METTL8: variants seen among roughly 807,000 people sequenced by gnomAD.
METTL8 encodes the protein methyltransferase 8, tRNA N3-cytidine.
In METTL8, 32 loss-of-function variants were observed where a neutral mutation model predicts 48.7. That is an observed-to-expected ratio of 0.66 (90% CI 0.50 to 0.88). The LOEUF (loss-of-function observed/expected upper bound fraction) is 0.88, where lower values mean the gene tolerates loss of function less well. Among genes scored for constraint, METTL8 ranks in the 40% least tolerant of loss-of-function variants. The pLI, the probability that METTL8 is intolerant of heterozygous loss-of-function variation, is 0.00. For synonymous variants in METTL8, 136 were observed against 157.1 expected (o/e 0.87, Z 1.01); for missense variants, 464 against 474.4 (o/e 0.98, Z 0.20).
intron 1 of METTL8, among the ~76,000 whole-genome samples, chr2:171,403,781 T>C (rs1689871418): frequency 6.6e-6 from 1 of 151,502 alleles, no homozygotes; most frequent in South Asian, 2.1e-4. Context: ...CAGACTATGA[T>C]GTGAGGGGCA....
At chr2:171,370,885 C>T (rs1366905522) in intron 2 of METTL8, among the ~76,000 whole-genome samples, 1 of 152,138 alleles carries the variant, frequency 6.6e-6, no homozygotes, top group Admixed American at 6.6e-5. Flanking sequence ...TTAAGGTGAA[C>T]AGGACCTAAG....
chr2:171,419,260 G>T (rs1406709456), intron 1 of METTL8, among the ~76,000 whole-genome samples: 1 of 152,014 alleles, frequency 6.6e-6, no homozygotes, highest in East Asian at 1.9e-4. Flanking sequence ...TCCTCTCAAG[G>T]GACAAAGCAA....
chr2:171,354,433 T>G (rs1684295733), intron 3 of METTL8, among the ~76,000 whole-genome samples: 1 of 152,214 alleles, frequency 6.6e-6, no homozygotes, highest in Non-Finnish European at 1.5e-5. Flanking sequence ...GACAATTATG[T>G]GTCTTGGAGT....
chr2:171,412,951 T>C (rs1690900278), intron 1 of METTL8, among the ~76,000 whole-genome samples: 1 of 152,248 alleles, frequency 6.6e-6, no homozygotes, highest in Non-Finnish European at 1.5e-5. Context: ...AACAGCTTTC[T>C]AATTCTTAAA....
intron 3 of METTL8, among the ~76,000 whole-genome samples, chr2:171,357,557 C>T (rs114746764): frequency 0.016 from 2,382 of 152,232 alleles, 29 homozygotes; most frequent in Non-Finnish European, 0.024. Flanking sequence ...GGAAGATATT[C>T]CATGCTGATG....
intron 1 of METTL8, among the ~76,000 whole-genome samples, chr2:171,418,637 T>C (rs1212713382): frequency 6.6e-6 from 1 of 152,126 alleles, no homozygotes; most frequent in Non-Finnish European, 1.5e-5. Flanking sequence ...TCAAATTATT[T>C]TGAGCTTTGG....
At chr2:171,402,785 C>A (rs60545517) in intron 1 of METTL8, among the ~76,000 whole-genome samples, 1 of 151,766 alleles carries the variant, frequency 6.6e-6, no homozygotes, top group African/African-American at 2.4e-5. Context: ...GAGAATATAA[C>A]ATGAGCCTAG....
intron 1 of METTL8, among the ~76,000 whole-genome samples, chr2:171,414,096 T>C (rs1223820728): frequency 6.6e-6 from 1 of 152,084 alleles, no homozygotes; most frequent in African/African-American, 2.4e-5. Flanking sequence ...TGTACATGCA[T>C]AGAAAGGAAA....
intron 2 of METTL8, among the ~76,000 whole-genome samples, chr2:171,381,221 G>A (rs778064165): frequency 1.1e-4 from 17 of 152,170 alleles, no homozygotes; most frequent in Non-Finnish European, 2.4e-4. Context: ...AACTGAAACC[G>A]GACTCCTTCC....
chr2:171,378,504 C>T (rs1315082037), intron 2 of METTL8, among the ~76,000 whole-genome samples: 5 of 151,924 alleles, frequency 3.3e-5, no homozygotes, highest in South Asian at 4.2e-4. Flanking sequence ...TGGTGGCATG[C>T]GCCTGTAGTC....
chr2:171,371,438 C>A (rs999640300), intron 2 of METTL8, among the ~76,000 whole-genome samples: 1 of 152,180 alleles, frequency 6.6e-6, no homozygotes, highest in Non-Finnish European at 1.5e-5. Flanking sequence ...TTCACTGCAA[C>A]CTCCGCCTCC....
Position 171,430,442 on chromosome 2 carries a change from G to A in METTL8, c.-13+3441C>T, listed in dbSNP as rs571863690. Among the ~76,000 whole-genome samples the A allele has an allele frequency of 2.0e-4, 31 of 152,172 alleles. 2 individuals carry two copies. The South Asian group carries it at 5.6e-3, about 28-fold the overall frequency. On this transcript the variant is annotated intron_variant, in intron 1 of 9. Transcript: ENST00000375258. ...AGGAGAAATACTTAATGTAGGTGAC[G>A]GGTTGATGGGTGCAGCAAATCACGA...
In METTL8 at chr2:171,398,004, T is replaced by TG. The variant is rs1689275143; in HGVS notation, c.-12-5808dup. On this transcript the variant is annotated intron_variant, in intron 1 of 9. Transcript: ENST00000375258. ...AATATAACAAGTATTGGTGAGGATG[T>TG]GGAGAAATTAGGAAATTGGAGCCCT... Among the ~76,000 whole-genome samples the TG allele has an allele frequency of 7.2e-5, 11 of 152,262 alleles. No individual in the cohort carries two copies. In the South Asian group the frequency reaches 2.3e-3, roughly 32 times the overall value.
At chr2:171,427,129 A>G (rs1457823078) in intron 1 of METTL8, among the ~76,000 whole-genome samples, 1 of 152,018 alleles carries the variant, frequency 6.6e-6, no homozygotes, top group Non-Finnish European at 1.5e-5. Context: ...TTTTATTAGG[A>G]TTTCACTTGA....
intron 2 of METTL8, among the ~76,000 whole-genome samples, chr2:171,378,659 G>T (rs935286122): frequency 2.6e-5 from 4 of 151,954 alleles, no homozygotes; most frequent in South Asian, 2.1e-4. Context: ...AATAAAAAAA[G>T]AAGGGTATTA....
At chr2:171,382,756 T>C (rs1687685700) in intron 2 of METTL8, among the ~76,000 whole-genome samples, 1 of 151,018 alleles carries the variant, frequency 6.6e-6, no homozygotes, top group African/African-American at 2.4e-5. Flanking sequence ...AAAAGAAAAC[T>C]ACAAAAAAAC....
chr2:171,389,430 G>C (rs1257091463), intron 2 of METTL8, among the ~76,000 whole-genome samples: 1 of 138,518 alleles, frequency 7.2e-6, no homozygotes, highest in Non-Finnish European at 1.5e-5. Context: ...TGAGGCCAGA[G>C]AATCACTTGA....
rs1162570022 is a variant in METTL8, at chr2:171,325,881, A to G, written c.993T>C (p.Tyr331=). The part of the protein sequence containing the change: ...KKGHCLSENF[Y]VRGDGTRAYF... ...ATGCTCTGGTACCATCTCCTCGAAC[A>G]TAAAAATTTTCAGATAAACAATGTC... Residue 331 remains tyrosine, a synonymous_variant, in exon 9 of 10, where the codon TAT becomes TAC. Transcript: ENST00000375258. 2.5e-6 allele frequency: 4 copies of G among 1,602,392 alleles called. No homozygotes were observed. The African/African-American group carries it at 5.4e-5, about 21-fold the overall frequency.
intron 2 of METTL8, among the ~76,000 whole-genome samples, chr2:171,380,455 A>G (rs930442109): frequency 2.6e-5 from 4 of 152,218 alleles, no homozygotes; most frequent in Non-Finnish European, 5.9e-5. Flanking sequence ...GAGGAAGCCA[A>G]ATTGTCTCTG....
Sources: gnomAD v4.1 joint callset for allele counts (sites outside exome capture counted in the v4.1 genomes callset) on GRCh38, gnomAD v4.1.1 for gene constraint, MANE v1.5 for transcripts, NCBI Gene and HGNC (gene_info 2026-07-23, HGNC 2026-07-21) for gene names.